Variants in DGAT2L6 observed in about 807,000 individuals in gnomAD.
The protein encoded by DGAT2L6 is diacylglycerol O-acyltransferase 2 like 6.
In DGAT2L6, 22 loss-of-function variants were observed where a neutral mutation model predicts 25.5. The ratio of observed to expected loss-of-function variants is 0.86; its 90% CI spans 0.62 to 1.23. DGAT2L6 has a LOEUF of 1.23. Among genes scored for constraint, DGAT2L6 ranks in the 50% most tolerant of loss-of-function variants. The pLI is 0.00. For synonymous variants in DGAT2L6, 100 were observed against 94.7 expected (o/e 1.06, Z -0.32); for missense variants, 287 against 253.2 (o/e 1.13, Z -0.91).
rs374597228 is a variant in DGAT2L6 at position 70,177,576 on chromosome X, C to T, written c.-7C>T. On this transcript the variant is annotated 5_prime_UTR_variant, in exon 1 of 7. Coordinates refer to ENST00000333026, the MANE Select transcript of DGAT2L6 (RefSeq NM_198512.3). Reference sequence around the variant, plus strand: ...GCTTCTTGCCACAACAGAACAGCACCATAACCATGGCTTTCTTCTCCCGAC... The same window carrying T: ...GCTTCTTGCCACAACAGAACAGCACTATAACCATGGCTTTCTTCTCCCGAC... The T allele has an allele frequency of 8.3e-7, 1 of 1,209,610 alleles. No individual in the cohort carries two copies. Among genetic ancestry groups the T allele is most frequent in the Admixed American group, 2.2e-5 (1 of 46,008 alleles).
chrX:70,185,928 G>A (rs1029487064), intron 1 of DGAT2L6, among the ~76,000 whole-genome samples: 2 of 108,239 alleles, frequency 1.8e-5, no homozygotes, highest in African/African-American at 6.8e-5. Context: ...ACTAGATTAG[G>A]CAAGCATTGC....
chrX:70,182,829 T>C (rs1459647646), intron 1 of DGAT2L6, among the ~76,000 whole-genome samples: 3 of 111,976 alleles, frequency 2.7e-5, no homozygotes, highest in African/African-American at 9.7e-5. Flanking sequence ...AAGTTTTTTG[T>C]ATTTTTTTAG....
intron 1 of DGAT2L6, among the ~76,000 whole-genome samples, chrX:70,186,550 G>A (rs189213860): frequency 1.5e-4 from 17 of 111,522 alleles, no homozygotes; most frequent in Admixed American, 7.6e-4. Context: ...AAAGGTGGTC[G>A]GGCCCGTTTC....
intron 5 of DGAT2L6, among the ~76,000 whole-genome samples, chrX:70,203,608 G>C (rs1330931540): frequency 9.0e-6 from 1 of 111,480 alleles, no homozygotes; most frequent in Non-Finnish European, 1.9e-5. Flanking sequence ...TGATTGGCTT[G>C]CTGTCTACTG....
Position 70,204,568 on chromosome X carries a change from C to A in DGAT2L6, c.859+52C>A, listed in dbSNP as rs779435574. 2.6e-6 allele frequency: 3 copies of A among 1,161,794 alleles called. No homozygotes were observed. The East Asian group carries it at 9.0e-5, about 35-fold the overall frequency. The stretch of plus-strand genomic sequence containing the variant: ...CCTGTTTCTTCATTCACTTCCCACC[C>A]ACTTTAAATCATCCATCAAGTCCAG... On this transcript the variant is annotated intron_variant, in intron 6 of 6. Coordinates refer to ENST00000333026, the MANE Select transcript of DGAT2L6 (RefSeq NM_198512.3).
At chrX:70,187,182 T>A (rs2085362422) in intron 1 of DGAT2L6, among the ~76,000 whole-genome samples, 1 of 109,916 alleles carries the variant, frequency 9.1e-6, no homozygotes, top group African/African-American at 3.3e-5. Flanking sequence ...TGTTTGTTTG[T>A]TTGTTTGTTT....
rs758570467 is a variant in DGAT2L6 at position 70,189,136 on chromosome X, A to G, written c.86-10135A>G. Among the ~76,000 whole-genome samples the G allele has an allele frequency of 3.6e-5, 4 of 111,464 alleles. No individual in the cohort carries two copies. In the South Asian group the frequency reaches 1.5e-3, roughly 41 times the overall value. ...CTAGCAAATGCAATATGGCAAAAAGAAAAAAAGAAATAAATGCATACAGAT... is the reference window on the plus strand; with the variant it reads ...CTAGCAAATGCAATATGGCAAAAAGGAAAAAAGAAATAAATGCATACAGAT... On this transcript the variant is annotated intron_variant, in intron 1 of 6. Transcript: ENST00000333026.
At chrX:70,200,579 C>G (rs747756799) in intron 4 of DGAT2L6, 120 bp downstream of exon 4, 14 of 660,911 alleles carry the variant, frequency 2.1e-5, no homozygotes, top group Non-Finnish European at 2.0e-5. Context: ...CCAGGACACC[C>G]TGGGCCCGTA....
chrX:70,200,911 T>C (rs947929796), intron 4 of DGAT2L6, among the ~76,000 whole-genome samples: 1 of 111,841 alleles, frequency 8.9e-6, no homozygotes, highest in Non-Finnish European at 1.9e-5. Flanking sequence ...AAGTCTATCA[T>C]ACTAGCTAAA....
chrX:70,196,967 A>G (rs929606578), intron 1 of DGAT2L6, among the ~76,000 whole-genome samples: 4 of 111,733 alleles, frequency 3.6e-5, no homozygotes, highest in African/African-American at 1.3e-4. Flanking sequence ...CGCATATATT[A>G]GTTTTTTTTT....
Position 70,199,587 on chromosome X carries a change from C to T in DGAT2L6, c.196+206C>T, listed in dbSNP as rs138514153. On this transcript the variant is annotated intron_variant, in intron 2 of 6. Transcript: ENST00000333026. ...GAGGTTGAGGTCTCTGGGCAGGTGC[C>T]CCCAGCTTCAGACTATTTTCCTGTC... 2.7e-3 allele frequency among the ~76,000 whole-genome samples: 300 copies of T among 111,507 alleles called. 1 individual carries two copies. The highest frequency in any genetic ancestry group is 9.1e-3 in the African/African-American group (280 of 30,678).
At chrX:70,180,224 G>T (rs1048573915) in intron 1 of DGAT2L6, among the ~76,000 whole-genome samples, 1 of 111,272 alleles carries the variant, frequency 9.0e-6, no homozygotes, top group African/African-American at 3.3e-5. Flanking sequence ...GCCGAGGCGG[G>T]TGGATCACAA....
At chrX:70,196,802 C>T (rs1256145708) in intron 1 of DGAT2L6, among the ~76,000 whole-genome samples, 1 of 111,151 alleles carries the variant, frequency 9.0e-6, no homozygotes, top group Non-Finnish European at 1.9e-5. Flanking sequence ...CGAAAGTCAA[C>T]AGTAAGAAAA....
At chrX:70,183,420 A>G (rs1233915622) in intron 1 of DGAT2L6, among the ~76,000 whole-genome samples, 2 of 112,220 alleles carry the variant, frequency 1.8e-5, no homozygotes, top group African/African-American at 3.2e-5. Flanking sequence ...TACTCAAGTC[A>G]TATCTTCTCT....
At chrX:70,185,870 G>GT (rs1346920257) in intron 1 of DGAT2L6, among the ~76,000 whole-genome samples, 2 of 90,998 alleles carry the variant, frequency 2.2e-5, no homozygotes, top group Non-Finnish European at 4.3e-5. Context: ...TTTTTGTTTT[G>GT]TTTTTTTGTT....
intron 1 of DGAT2L6, among the ~76,000 whole-genome samples, chrX:70,196,958 G>T (rs1160411713): frequency 9.0e-6 from 1 of 111,701 alleles, no homozygotes; most frequent in South Asian, 3.8e-4. Flanking sequence ...CTACCAATGC[G>T]CATATATTAG....
chrX:70,192,632 T>C (rs1390290407), intron 1 of DGAT2L6, among the ~76,000 whole-genome samples: 3 of 111,604 alleles, frequency 2.7e-5, no homozygotes, highest in African/African-American at 6.5e-5. Context: ...CCAAAACTTA[T>C]AGAATGCAGC....
chrX:70,191,431 A>C (rs1365308914), intron 1 of DGAT2L6, among the ~76,000 whole-genome samples: 1 of 112,098 alleles, frequency 8.9e-6, no homozygotes, highest in Non-Finnish European at 1.9e-5. Flanking sequence ...AGAAATGGGT[A>C]ACACAAAGAT....
At chrX:70,202,566 T>A (rs758141874) in intron 5 of DGAT2L6, among the ~76,000 whole-genome samples, 9 of 112,135 alleles carry the variant, frequency 8.0e-5, no homozygotes. Flanking sequence ...TAAGACCTGG[T>A]CCTTGCAAAC....
Sources: allele counts gnomAD v4.1 joint callset (sites outside exome capture counted in the v4.1 genomes callset), GRCh38; gene constraint gnomAD v4.1.1; transcripts MANE v1.5; gene names NCBI Gene and HGNC (gene_info 2026-07-23, HGNC 2026-07-21).